Variants in ANXA10 observed in about 807,000 individuals in gnomAD.
ANXA10 encodes annexin 14.
In ANXA10, 49 loss-of-function variants were observed where a neutral mutation model predicts 53.5. The ratio of observed to expected loss-of-function variants is 0.92; its 90% confidence interval spans 0.73 to 1.16. The LOEUF (loss-of-function observed/expected upper bound fraction) is 1.16. Ranked by LOEUF, ANXA10 falls within the 50% of genes most tolerant of loss-of-function variation. The pLI is 0.00. For synonymous variants in ANXA10, 131 were observed against 128.9 expected (o/e 1.02, Z -0.11); for missense variants, 393 against 394.4 (o/e 1.00, Z 0.03).
In ANXA10 at chr4:168,167,266, T is replaced by C. The variant is rs146126715; in HGVS notation, c.480+1940T>C. 3.9e-3 allele frequency among the ~76,000 whole-genome samples: 599 copies of C among 152,260 alleles called. 3 individuals are homozygous for C. The highest frequency in any genetic ancestry group is 0.014 in the African/African-American group (572 of 41,530). ...CTGACTTATCTACTTCATGGTACCT[T>C]TCTACTTTATGATGGTGCAAAACTG... is the stretch of plus-strand genomic sequence containing the variant. On this transcript the variant is annotated intron_variant, in intron 6 of 11. Coordinates refer to ENST00000359299, the MANE Select transcript of ANXA10 (RefSeq NM_007193.5).
intron 1 of ANXA10, among the ~76,000 whole-genome samples, chr4:168,104,645 T>A (rs1730690560): frequency 6.6e-6 from 1 of 151,950 alleles, no homozygotes; most frequent in Non-Finnish European, 1.5e-5. Context: ...AAATTTAAAT[T>A]GAATATATAT....
intron 6 of ANXA10, among the ~76,000 whole-genome samples, chr4:168,170,590 T>C (rs1161378587): frequency 6.6e-6 from 1 of 152,162 alleles, no homozygotes; most frequent in East Asian, 1.9e-4. Flanking sequence ...AAGTTTGATT[T>C]CTAGAATTGG....
intron 3 of ANXA10, among the ~76,000 whole-genome samples, chr4:168,149,063 C>A (rs1360618185): frequency 6.6e-6 from 1 of 151,954 alleles, no homozygotes; most frequent in East Asian, 1.9e-4. Flanking sequence ...TCTATAGATT[C>A]TCTGTTATTC....
At chr4:168,119,235 A>C (rs113544521) in intron 1 of ANXA10, among the ~76,000 whole-genome samples, 2 of 152,198 alleles carry the variant, frequency 1.3e-5, no homozygotes, top group African/African-American at 4.8e-5. Context: ...AGCCCATAAA[A>C]CTATCTCAGG....
chr4:168,160,603 T>C (rs1490130379), intron 3 of ANXA10, among the ~76,000 whole-genome samples: 2 of 152,146 alleles, frequency 1.3e-5, no homozygotes, highest in Admixed American at 6.5e-5. Context: ...CTGGGTCAAA[T>C]AGTATTTCTG....
intron 6 of ANXA10, among the ~76,000 whole-genome samples, chr4:168,177,139 TC>T (rs1732145950): frequency 6.6e-6 from 1 of 152,148 alleles, no homozygotes; most frequent in Admixed American, 6.6e-5. Flanking sequence ...CCTCCCTACC[TC>T]CTTCTCCCCA....
At chr4:168,178,999 A>G (rs1271320386) in intron 8 of ANXA10, among the ~76,000 whole-genome samples, 5 of 152,188 alleles carry the variant, frequency 3.3e-5, no homozygotes, top group Admixed American at 6.5e-5. Context: ...GTTCCCCAGG[A>G]GAAGAGAATA....
chr4:168,187,328 G>C, intron 11 of ANXA10, 38 bp from the exon 12 acceptor site: 1 of 1,337,304 alleles, frequency 7.5e-7, no homozygotes, highest in Admixed American at 1.9e-5. Context: ...GAACTATTAT[G>C]ATATTTTATT....
intron 3 of ANXA10, among the ~76,000 whole-genome samples, chr4:168,155,684 A>G (rs1731612772): frequency 2.1e-5 from 1 of 48,668 alleles, no homozygotes; most frequent in African/African-American, 9.4e-5. Flanking sequence ...TATATATTAT[A>G]AAATATATAA....
At chr4:168,163,143 A>G (rs1731815845) in intron 4 of ANXA10, among the ~76,000 whole-genome samples, 1 of 151,746 alleles carries the variant, frequency 6.6e-6, no homozygotes, top group Admixed American at 6.6e-5. Flanking sequence ...TTTTTGCTCA[A>G]ATGTATAAAA....
chr4:168,125,086 G>A (rs1731047034), intron 1 of ANXA10, among the ~76,000 whole-genome samples: 1 of 152,152 alleles, frequency 6.6e-6, no homozygotes, highest in East Asian at 1.9e-4. Flanking sequence ...TGTGTTTAAA[G>A]CCATTGAAAC....
rs370308343 is a variant in ANXA10 at position 168,128,080 on chromosome 4, C to A, written c.19-4C>A. 3.7e-6 allele frequency: 6 copies of A among 1,610,848 alleles called. No individual in the cohort carries two copies. The African/African-American group carries it at 6.7e-5, about 18-fold the overall frequency. On this transcript the variant is annotated splice_polypyrimidine_tract_variant and splice_region_variant and intron_variant, in intron 1 of 11. Transcript: ENST00000359299. ...AATCACTTTCTCATTGATTTTCCCA[C>A]CAGGTGCAAGGAACCATCTTCCCAG...
intron 1 of ANXA10, among the ~76,000 whole-genome samples, chr4:168,118,090 C>CTT (rs1012456005): frequency 6.8e-6 from 1 of 147,632 alleles, no homozygotes; most frequent in African/African-American, 2.5e-5. Flanking sequence ...GCCGGAGATT[C>CTT]TTTTTTTTTT....
chr4:168,093,191 T>A (rs1279259366), intron 1 of ANXA10, among the ~76,000 whole-genome samples: 1 of 152,188 alleles, frequency 6.6e-6, no homozygotes, highest in South Asian at 2.1e-4. Flanking sequence ...ATTTTTTATC[T>A]CGATATTTAC....
chr4:168,093,005 G>T (rs1730484097), intron 1 of ANXA10, among the ~76,000 whole-genome samples: 1 of 151,912 alleles, frequency 6.6e-6, no homozygotes, highest in Non-Finnish European at 1.5e-5. Flanking sequence ...TAAAGATTTG[G>T]ATTTGAGCAT....
chr4:168,135,257 A>C (rs1176289385), intron 2 of ANXA10, among the ~76,000 whole-genome samples: 1 of 152,178 alleles, frequency 6.6e-6, no homozygotes, highest in Non-Finnish European at 1.5e-5. Context: ...TTGGCACTTA[A>C]CAAAGTCAGG....
chr4:168,162,682 G>C, intron 4 of ANXA10, 41 bp downstream of exon 4: 1 of 1,538,090 alleles, frequency 6.5e-7, no homozygotes, highest in Non-Finnish European at 9.0e-7. Context: ...ACAAGTACAG[G>C]CCAGTATTTC....
intron 2 of ANXA10, among the ~76,000 whole-genome samples, chr4:168,133,583 A>T (rs1351504185): frequency 6.6e-6 from 1 of 152,172 alleles, no homozygotes; most frequent in Non-Finnish European, 1.5e-5. Context: ...TTAAATGTTT[A>T]TACAGGAGAA....
intron 2 of ANXA10, among the ~76,000 whole-genome samples, chr4:168,131,675 G>C (rs953369708): frequency 6.6e-6 from 1 of 151,828 alleles, no homozygotes; most frequent in Non-Finnish European, 1.5e-5. Flanking sequence ...GCACTCTGTT[G>C]TTTGGCACAT....
Sources: allele counts gnomAD v4.1 joint callset (sites outside exome capture counted in the v4.1 genomes callset), GRCh38; gene constraint gnomAD v4.1.1; transcripts MANE v1.5; gene names NCBI Gene and HGNC (gene_info 2026-07-23, HGNC 2026-07-21).